Variants in AGMO observed in about 807,000 individuals in gnomAD.
AGMO encodes the protein alkylglycerol monooxygenase.
In AGMO, 75 loss-of-function variants were observed where a neutral mutation model predicts 60.2. The ratio of observed to expected loss-of-function variants is 1.25; its 90% CI spans 1.03 to 1.51. AGMO has a LOEUF of 1.51. Ranked by LOEUF, AGMO falls within the 40% of genes most tolerant of loss-of-function variation. The pLI is 0.00. For missense variants in AGMO, 763 were observed against 525.5 expected (o/e 1.45, Z -4.42); for synonymous variants, 261 against 177.1 (o/e 1.47, Z -3.76).
chr7:15,240,106 G>C (rs905829374), intron 12 of AGMO, among the ~76,000 whole-genome samples: 1 of 152,032 alleles, frequency 6.6e-6, no homozygotes, highest in Non-Finnish European at 1.5e-5. Context: ...TAACAATCAA[G>C]CTACATCAAA....
At chr7:15,468,369 A>G (rs1377253148) in intron 3 of AGMO, among the ~76,000 whole-genome samples, 1 of 152,134 alleles carries the variant, frequency 6.6e-6, no homozygotes, top group Non-Finnish European at 1.5e-5. Context: ...ATGAATATTC[A>G]AAGCAAACTC....
At chr7:15,145,484 T>G in the AGMO span, among the ~76,000 whole-genome samples, 1 of 152,166 alleles carries the variant, frequency 6.6e-6, no homozygotes, top group African/African-American at 2.4e-5. Context: ...ATACATAAGC[T>G]TATATGTTCA....
At chr7:15,455,871 T>A (rs1163388496) in intron 3 of AGMO, among the ~76,000 whole-genome samples, 1 of 152,138 alleles carries the variant, frequency 6.6e-6, no homozygotes, top group Non-Finnish European at 1.5e-5. Context: ...AATTTCACAA[T>A]GAAGCATTTA....
intron 4 of AGMO, among the ~76,000 whole-genome samples, chr7:15,422,816 G>A (rs1780961621): frequency 6.6e-6 from 1 of 152,240 alleles, no homozygotes; most frequent in African/African-American, 2.4e-5. Context: ...GGATGTGGGA[G>A]TGAAGAGGGT....
At position 15,390,691 on chromosome 7, in the gene AGMO, A is replaced by G. The variant is rs139758966; in HGVS notation, c.802T>C (p.Phe268Leu). 1.9e-6 allele frequency: 3 copies of G among 1,607,022 alleles called. No individual in the cohort carries two copies. The African/African-American group carries it at 4.0e-5, about 21-fold the overall frequency. The change falls in exon 8 of 13, where the codon TTT (phenylalanine) becomes CTT (leucine). Residue 268 changes from phenylalanine (F) to leucine (L), a missense_variant. Coordinates refer to ENST00000342526, the MANE Select transcript of AGMO (RefSeq NM_001004320.2). ...VYGLTHPINTFEPIKVQFHHL... is the reference protein window; with the variant it reads ...VYGLTHPINTLEPIKVQFHHL... ...GTTACCTGCACTTTGATTGGTTCAA[A>G]TGTATTAATGGGATGTGTTAAGCCA...
intron 12 of AGMO, among the ~76,000 whole-genome samples, chr7:15,346,036 GAGAT>G (rs1282156261): frequency 1.3e-5 from 2 of 152,084 alleles, no homozygotes; most frequent in African/African-American, 4.8e-5. Flanking sequence ...TTAAAGCAAA[GAGAT>G]AGTCATTGAA....
At chr7:15,157,880 T>C in the AGMO span, among the ~76,000 whole-genome samples, 2 of 152,180 alleles carry the variant, frequency 1.3e-5, no homozygotes, top group South Asian at 4.1e-4. Flanking sequence ...AGGATGTAGC[T>C]TTTAAAAATA....
intron 3 of AGMO, among the ~76,000 whole-genome samples, chr7:15,536,088 C>A (rs1784477925): frequency 6.6e-6 from 1 of 151,876 alleles, no homozygotes; most frequent in African/African-American, 2.4e-5. Context: ...TATTCAATAA[C>A]AGTGGTAATA....
chr7:15,393,142 G>C (rs938116780), intron 6 of AGMO, among the ~76,000 whole-genome samples: 5 of 152,204 alleles, frequency 3.3e-5, no homozygotes, highest in African/African-American at 1.2e-4. Flanking sequence ...ATTGGAGAAT[G>C]ACTGTTGAGT....
At chr7:15,466,428 C>T (rs916817441) in intron 3 of AGMO, among the ~76,000 whole-genome samples, 3 of 152,038 alleles carry the variant, frequency 2.0e-5, no homozygotes, top group Admixed American at 6.6e-5. Flanking sequence ...AACATATCAC[C>T]GTGAGCACTT....
At chr7:15,316,782 G>A (rs545097207) in intron 12 of AGMO, among the ~76,000 whole-genome samples, 40 of 152,250 alleles carry the variant, frequency 2.6e-4, no homozygotes, top group African/African-American at 8.9e-4. Context: ...GTATATTTCA[G>A]TGTAACTGAA....
intron 3 of AGMO, among the ~76,000 whole-genome samples, chr7:15,469,020 C>A (rs1359577968): frequency 6.6e-6 from 1 of 152,046 alleles, no homozygotes; most frequent in Non-Finnish European, 1.5e-5. Context: ...AATTTGCATA[C>A]ATTTAAACTC....
chr7:15,410,355 T>A (rs2128492184), intron 5 of AGMO, among the ~76,000 whole-genome samples: 1 of 151,948 alleles, frequency 6.6e-6, no homozygotes, highest in East Asian at 1.9e-4. Flanking sequence ...TATGTAATAA[T>A]CTGTACATTA....
chr7:15,439,143 C>A lies in AGMO; in HGVS notation c.410-8035G>T, dbSNP rs1781481888. On this transcript the variant is annotated intron_variant, in intron 3 of 12. Transcript: ENST00000342526. The stretch of plus-strand genomic sequence containing the variant: ...ACCGGGCACAGTGGCTCACACCTGT[C>A]ATCCCAGCACTTTGGGAGGCCAAGG... Among the ~76,000 whole-genome samples the A allele has an allele frequency of 2.6e-5, 4 of 152,100 alleles. No homozygotes were observed. In the South Asian group the frequency reaches 8.3e-4, roughly 32 times the overall value.
chr7:15,119,105 T>C, the AGMO span, among the ~76,000 whole-genome samples: 3 of 151,722 alleles, frequency 2.0e-5, no homozygotes, highest in Non-Finnish European at 4.4e-5. Context: ...ACATGAACAG[T>C]GAAGGAGTTC....
chr7:15,512,576 AT>A (rs1783703525), intron 3 of AGMO, among the ~76,000 whole-genome samples: 1 of 152,128 alleles, frequency 6.6e-6, no homozygotes, highest in African/African-American at 2.4e-5. Context: ...TCCTTTTTCA[AT>A]TGATAAGTAT....
At chr7:15,231,904 A>C (rs187111575) in intron 12 of AGMO, among the ~76,000 whole-genome samples, 1 of 152,326 alleles carries the variant, frequency 6.6e-6, no homozygotes, top group Admixed American at 6.5e-5. Flanking sequence ...ATAATAAAGT[A>C]GTTACTTATA....
At chr7:15,219,606 G>T (rs76110939) in intron 12 of AGMO, among the ~76,000 whole-genome samples, 1 of 152,066 alleles carries the variant, frequency 6.6e-6, no homozygotes, top group South Asian at 2.1e-4. Flanking sequence ...TGATTGAAGC[G>T]TTCTCATCCT....
At chr7:15,257,568 C>A (rs1440436886) in intron 12 of AGMO, among the ~76,000 whole-genome samples, 2 of 152,106 alleles carry the variant, frequency 1.3e-5, no homozygotes, top group Non-Finnish European at 1.5e-5. Flanking sequence ...TGCAATTTTT[C>A]CCCTCTGATG....
Sources: gnomAD v4.1 joint callset for allele counts (sites outside exome capture counted in the v4.1 genomes callset) on GRCh38, gnomAD v4.1.1 for gene constraint, MANE v1.5 for transcripts, NCBI Gene and HGNC (gene_info 2026-07-23, HGNC 2026-07-21) for gene names.